SOX6: variants seen among roughly 807,000 people sequenced by gnomAD.
The protein encoded by SOX6 is SRY-box transcription factor 6.
Under a neutral mutation model 97.8 loss-of-function variants are expected in SOX6, and 11 were observed. The observed-to-expected ratio is 0.11, with a 90% CI of 0.07 to 0.19. The LOEUF (loss-of-function observed/expected upper bound fraction) is 0.19. SOX6 is among the 10% of genes least tolerant of loss of function. The pLI is 1.00. For synonymous variants in SOX6, 360 were observed against 371.4 expected (o/e 0.97, Z 0.35); for missense variants, 810 against 1,039.5 (o/e 0.78, Z 3.04).
chr11:16,285,679 A>C (rs544228963), intron 3 of SOX6, among the ~76,000 whole-genome samples: 6 of 152,212 alleles, frequency 3.9e-5, no homozygotes, highest in African/African-American at 1.2e-4. Context: ...ATGAATGAAA[A>C]ATTCACCCAA....
intron 4 of SOX6, among the ~76,000 whole-genome samples, chr11:16,234,005 CAAAA>C (rs751876773): frequency 5.4e-5 from 3 of 55,952 alleles, no homozygotes; most frequent in Non-Finnish European, 7.7e-5. Flanking sequence ...GACTGCATCT[CAAAA>C]AAAAAAAAAA....
At chr11:16,494,369 C>G (rs917675442) in intron 4 of SOX6, among the ~76,000 whole-genome samples, 2 of 152,056 alleles carry the variant, frequency 1.3e-5, no homozygotes, top group Non-Finnish European at 2.9e-5. Flanking sequence ...AAGCAAAAGT[C>G]TGTCTCAAAA....
intron 4 of SOX6, among the ~76,000 whole-genome samples, chr11:16,548,628 A>T (rs367720994): frequency 6.6e-6 from 1 of 152,190 alleles, no homozygotes; most frequent in East Asian, 1.9e-4. Context: ...TATCAAAATT[A>T]AAAATTTTGG....
intron 3 of SOX6, among the ~76,000 whole-genome samples, chr11:16,674,218 C>A (rs1407283689): frequency 2.3e-5 from 3 of 131,750 alleles, no homozygotes; most frequent in Non-Finnish European, 4.8e-5. Flanking sequence ...AATCATTCAT[C>A]ATGATCAAGT....
At chr11:16,323,427 G>T (rs1045618203) in intron 2 of SOX6, among the ~76,000 whole-genome samples, 2 of 152,136 alleles carry the variant, frequency 1.3e-5, no homozygotes, top group Admixed American at 1.3e-4. Context: ...ATTCAAAACT[G>T]ATGGTTCACC....
chr11:16,170,901 C>G (rs949664209), intron 6 of SOX6, among the ~76,000 whole-genome samples: 1 of 151,874 alleles, frequency 6.6e-6, no homozygotes, highest in African/African-American at 2.4e-5. Context: ...TCTCCCCCTA[C>G]GGAAAAACAT....
At chr11:16,616,833 A>G (rs1402903721) in intron 3 of SOX6, among the ~76,000 whole-genome samples, 3 of 151,942 alleles carry the variant, frequency 2.0e-5, no homozygotes, top group Non-Finnish European at 4.4e-5. Flanking sequence ...CTGACTTATC[A>G]AATGATATAT....
At position 16,402,951 on chromosome 11, in the gene SOX6, G is replaced by C. The variant is rs1417240545; in HGVS notation, c.-4-61699C>G. On this transcript the variant is annotated intron_variant, in intron 1 of 15. Coordinates refer to the SOX6 transcript ENST00000396356. ...AAAACAAAACCAATTTTTACACCAA[G>C]GTGGGGGAGAAACACAAGTCCATTG... 8 of 959,832 alleles carry C rather than the reference G, an allele frequency of 8.3e-6. No individual in the cohort carries two copies. The Admixed American group carries it at 1.8e-4, about 22-fold the overall frequency. The allele number at this position is 959,832 out of a possible 1,614,324, so 59.5% of individuals were successfully genotyped here.
intron 4 of SOX6, among the ~76,000 whole-genome samples, chr11:16,514,472 T>G (rs1205987374): frequency 3.3e-5 from 5 of 152,152 alleles, no homozygotes; most frequent in South Asian, 2.1e-4. Flanking sequence ...GAAATGTCAC[T>G]AATATTATGG....
chr11:16,012,592 A>G (rs1298589375), intron 13 of SOX6, among the ~76,000 whole-genome samples: 1 of 151,958 alleles, frequency 6.6e-6, no homozygotes, highest in Non-Finnish European at 1.5e-5. Flanking sequence ...GACTTGCTAT[A>G]TTTAGGGCAG....
At chr11:16,730,039 T>TATAC (rs1848337350) in intron 2 of SOX6, among the ~76,000 whole-genome samples, 1 of 149,120 alleles carries the variant, frequency 6.7e-6, no homozygotes, top group Non-Finnish European at 1.5e-5. Flanking sequence ...AATATATATA[T>TATAC]ATATATATAT....
chr11:16,452,270 A>C (rs1230495143), intron 1 of SOX6, among the ~76,000 whole-genome samples: 1 of 152,206 alleles, frequency 6.6e-6, no homozygotes, highest in Non-Finnish European at 1.5e-5. Context: ...GCAGCCTCTC[A>C]CATATGAGTT....
Position 16,702,221 on chromosome 11 carries a change from TGAAAG to T in SOX6, n.429+12604_429+12608del, listed in dbSNP as rs1205760899. Among the ~76,000 whole-genome samples, 17 of 152,296 alleles carry T rather than the reference TGAAAG, an allele frequency of 1.1e-4. 1 individual carries two copies. The South Asian group carries it at 2.5e-3, about 22-fold the overall frequency. On this transcript the variant is annotated intron_variant and non_coding_transcript_variant, in intron 3 of 5. Coordinates refer to the SOX6 transcript ENST00000524520. ...TCTTAATACCAACAATTTAGGCAGC[TGAAAG>T]GAGAGGATATAAAGCCGAATAGCTT...
intron 4 of SOX6, among the ~76,000 whole-genome samples, chr11:16,582,110 G>T (rs1017842552): frequency 2.6e-5 from 4 of 152,058 alleles, no homozygotes; most frequent in Non-Finnish European, 5.9e-5. Context: ...GCCAAACATT[G>T]GGTAAACATG....
chr11:16,174,512 T>C (rs1851130403), intron 6 of SOX6, among the ~76,000 whole-genome samples: 1 of 151,930 alleles, frequency 6.6e-6, no homozygotes, highest in Non-Finnish European at 1.5e-5. Context: ...AGTTACTATA[T>C]GTGAATTAAA....
intron 6 of SOX6, among the ~76,000 whole-genome samples, chr11:16,116,524 T>C (rs889785197): frequency 6.6e-6 from 1 of 152,226 alleles, no homozygotes; most frequent in African/African-American, 2.4e-5. Context: ...ATAATATAAT[T>C]GTAGGTTTGC....
At chr11:16,517,779 T>C (rs1277485600) in intron 4 of SOX6, among the ~76,000 whole-genome samples, 1 of 152,160 alleles carries the variant, frequency 6.6e-6, no homozygotes, top group Non-Finnish European at 1.5e-5. Context: ...GATTGCCCAA[T>C]CCTCTAAAGT....
intron 9 of SOX6, among the ~76,000 whole-genome samples, chr11:16,061,609 A>T (rs1847957773): frequency 6.6e-6 from 1 of 151,898 alleles, no homozygotes; most frequent in Admixed American, 6.6e-5. Flanking sequence ...AAAAAGAACA[A>T]AGCTGGAGGC....
intron 3 of SOX6, among the ~76,000 whole-genome samples, chr11:16,670,338 C>G (rs1295254146): frequency 6.6e-6 from 1 of 152,066 alleles, no homozygotes; most frequent in African/African-American, 2.4e-5. Context: ...CCCCCTCCTC[C>G]CCAATAAGCA....
Sources: gnomAD v4.1 joint callset for allele counts (sites outside exome capture counted in the v4.1 genomes callset) on GRCh38, gnomAD v4.1.1 for gene constraint, MANE v1.5 for transcripts, NCBI Gene and HGNC (gene_info 2026-07-23, HGNC 2026-07-21) for gene names.